NACC2: variants seen among roughly 807,000 people sequenced by gnomAD.
NACC2 encodes the protein nucleus accumbens-associated protein 2.
NACC2 carries 8 observed loss-of-function variants against 25.1 expected under a neutral mutation model. The observed-to-expected ratio is 0.32, with a 90% CI of 0.19 to 0.57. The LOEUF is 0.57. Among genes scored for constraint, NACC2 ranks in the 20% least tolerant of loss-of-function variants. NACC2 has a pLI of 0.89. For synonymous variants in NACC2, 435 were observed against 294.7 expected (o/e 1.48, Z -4.88); for missense variants, 644 against 650.2 (o/e 0.99, Z 0.10).
intron 1 of NACC2, among the ~76,000 whole-genome samples, chr9:136,089,285 G>A (rs1479107400): frequency 6.6e-6 from 1 of 152,116 alleles, no homozygotes; most frequent in African/African-American, 2.4e-5. Context: ...CTCAAAGGAG[G>A]ACCCACGGGC....
intron 1 of NACC2, among the ~76,000 whole-genome samples, chr9:136,079,652 C>T (rs1222448733): frequency 2.0e-5 from 3 of 152,308 alleles, no homozygotes; most frequent in South Asian, 2.1e-4. Flanking sequence ...CTTCCTGGGG[C>T]CCTGCCGTGG....
At chr9:136,027,186 C>G (rs1840404970) in intron 2 of NACC2, among the ~76,000 whole-genome samples, 1 of 152,234 alleles carries the variant, frequency 6.6e-6, no homozygotes, top group Non-Finnish European at 1.5e-5. Flanking sequence ...GATAGCGCCA[C>G]TGCCCTCCAG....
chr9:136,058,643 C>G (rs1391306530), intron 1 of NACC2, among the ~76,000 whole-genome samples: 1 of 152,216 alleles, frequency 6.6e-6, no homozygotes, highest in African/African-American at 2.4e-5. Context: ...TGCTCACCAC[C>G]TGAGTGACGA....
chr9:136,069,876 A>G (rs11103306), intron 1 of NACC2, among the ~76,000 whole-genome samples: 32,026 of 151,814 alleles, frequency 0.21, 4,051 homozygotes, highest in East Asian at 0.4. Context: ...AGAGACTTCA[A>G]CAGCCTTCTC....
chr9:136,031,298 C>A (rs1840468677), intron 2 of NACC2, among the ~76,000 whole-genome samples: 2 of 149,736 alleles, frequency 1.3e-5, no homozygotes, highest in Non-Finnish European at 3.0e-5. Flanking sequence ...AATGTTAGTG[C>A]CCTTCCCTCT....
At chr9:136,012,204 G>A (rs1046461426) in intron 5 of NACC2, among the ~76,000 whole-genome samples, 180 bp from the exon 6 acceptor site, 13 of 152,340 alleles carry the variant, frequency 8.5e-5, no homozygotes, top group Admixed American at 2.6e-4. Flanking sequence ...CTCACTGCTC[G>A]GCCTGGGAGG....
rs1258981462 is a variant in NACC2, at chr9:136,084,819, A to C, written c.-60+10370T>G. On this transcript the variant is annotated intron_variant, in intron 1 of 5. Coordinates refer to ENST00000277554, the MANE Select transcript of NACC2 (RefSeq NM_144653.5). This position sits in a 1 kb window ranked among gnomAD's most constrained non-coding sequence, Gnocchi z 5.1. ...GAGCCGTGGGGAGAGGGTGCGGAGC[A>C]AATGAGCCAGTCACACGAGGACACC... Among the ~76,000 whole-genome samples the C allele has an allele frequency of 6.6e-6, 1 of 152,236 alleles. No individual in the cohort carries two copies. Among genetic ancestry groups the C allele is most frequent in the Non-Finnish European group, 1.5e-5 (1 of 68,046 alleles).
intron 1 of NACC2, among the ~76,000 whole-genome samples, chr9:136,063,559 T>C (rs1471236898): frequency 6.6e-6 from 1 of 152,166 alleles, no homozygotes; most frequent in African/African-American, 2.4e-5. Context: ...TTTTCCTACC[T>C]GGGAAGGGTA....
At chr9:136,089,490 C>A (rs1385840488) in intron 1 of NACC2, among the ~76,000 whole-genome samples, 1 of 151,966 alleles carries the variant, frequency 6.6e-6, no homozygotes, top group Admixed American at 6.5e-5. Context: ...CCCCCCACAA[C>A]CCCACCTGGT....
rs977929529 is a variant in NACC2, at chr9:136,038,017, A to G, written c.886+11619T>C. Among the ~76,000 whole-genome samples, 6 of 152,330 alleles carry G rather than the reference A, an allele frequency of 3.9e-5. No individual in the cohort carries two copies. The East Asian group carries it at 1.2e-3, about 29-fold the overall frequency. The stretch of plus-strand genomic sequence containing the variant: ...ATGGAATACTACTTACTCAGCAACA[A>G]AAAAGAATCAATGCTAATACAACAT... On this transcript the variant is annotated intron_variant, in intron 2 of 5. Transcript: ENST00000277554.
chr9:136,060,647 C>T (rs1840996246), intron 1 of NACC2, among the ~76,000 whole-genome samples: 1 of 152,260 alleles, frequency 6.6e-6, no homozygotes, highest in African/African-American at 2.4e-5. Flanking sequence ...CCCAGCACCA[C>T]ATGCTTAGCC....
intron 1 of NACC2, among the ~76,000 whole-genome samples, chr9:136,060,858 C>T (rs1372114521): frequency 6.6e-6 from 1 of 152,222 alleles, no homozygotes; most frequent in African/African-American, 2.4e-5. Context: ...ATCTGCCAGC[C>T]GACTAGAGCC....
rs371636029 is a variant in NACC2, at chr9:136,011,821, C to T, written c.1459G>A (p.Ala487Thr). 2.2e-4 allele frequency: 344 copies of T among 1,574,728 alleles called. No homozygotes were observed. Among genetic ancestry groups the T allele is most frequent in the Non-Finnish European group, 2.7e-4 (311 of 1,162,454 alleles). Residue 487 changes from alanine (A) to threonine (T), a missense_variant, in exon 6 of 6, where the codon GCG (alanine) becomes ACG (threonine). Transcript: ENST00000277554. ...VPLDPEFPPAAAQVFEQRIYA... is the reference protein window; with the variant it reads ...VPLDPEFPPATAQVFEQRIYA... ...ATGCGTTGCTCGAACACCTGTGCCG[C>T]GGCAGGCGGGAACTCGGGGTCGAGG...
Position 136,008,914 on chromosome 9 carries a change from T to C in NACC2, c.*2602A>G, listed in dbSNP as rs997810376. 5.9e-5 allele frequency: 9 copies of C among 152,286 alleles called. No homozygotes were observed. The highest frequency in any genetic ancestry group is 1.2e-4 in the Non-Finnish European group (8 of 68,066). The allele number at this position is 152,286 out of a possible 1,614,324, so 9.4% of individuals were successfully genotyped here. A position where few individuals can be genotyped will look rare whatever the true frequency, so the allele number is the denominator to read the frequency against. On this transcript the variant is annotated 3_prime_UTR_variant, in exon 6 of 6. Transcript: ENST00000277554. ...ATTATTATTATTTAAGTTTTATCTA[T>C]AGCTCTTGCCTTCCTTACCCAGAAC... is the stretch of plus-strand genomic sequence containing the variant.
chr9:136,016,608 T>C (rs1840207638), intron 2 of NACC2, among the ~76,000 whole-genome samples, 179 bp from the exon 3 acceptor site: 1 of 152,148 alleles, frequency 6.6e-6, no homozygotes, highest in South Asian at 2.1e-4. Context: ...GGCTTCAGCC[T>C]GCCCCATCCC....
At chr9:136,065,189 G>A (rs2131173780) in intron 1 of NACC2, among the ~76,000 whole-genome samples, 1 of 152,286 alleles carries the variant, frequency 6.6e-6, no homozygotes, top group South Asian at 2.1e-4. Flanking sequence ...AGCAACAAAA[G>A]GAAAGAACAA....
chr9:136,065,005 G>A (rs1179391007), intron 1 of NACC2, among the ~76,000 whole-genome samples: 4 of 152,200 alleles, frequency 2.6e-5, no homozygotes, highest in Non-Finnish European at 5.9e-5. Context: ...ATAGCCACAT[G>A]CAAAAGAATG....
intron 2 of NACC2, among the ~76,000 whole-genome samples, chr9:136,044,715 C>T (rs1840693996): frequency 1.3e-5 from 2 of 152,260 alleles, no homozygotes. Flanking sequence ...CCCCAAACAA[C>T]AGTCCTGAGT....
At chr9:136,081,983 G>A (rs117411421) in intron 1 of NACC2, among the ~76,000 whole-genome samples, 1,667 of 152,316 alleles carry the variant, frequency 0.011, 19 homozygotes, top group Non-Finnish European at 0.017. Flanking sequence ...GCTGACGCGA[G>A]AGCCAGGCTG....
Sources: gnomAD v4.1 joint callset for allele counts (sites outside exome capture counted in the v4.1 genomes callset) on GRCh38, gnomAD v4.1.1 for gene constraint, Gnocchi (gnomAD v3.1) non-coding constraint, MANE v1.5 for transcripts, NCBI Gene and HGNC (gene_info 2026-07-23, HGNC 2026-07-21) for gene names.